Variants in FANCA observed in about 807,000 individuals in gnomAD.
FANCA encodes Fanconi anemia group A protein.
In FANCA, 236 loss-of-function variants were observed where a neutral mutation model predicts 194.3. That is an observed-to-expected ratio of 1.21 (90% CI 1.09 to 1.35). The LOEUF is 1.35. FANCA is among the 40% of genes most tolerant of loss of function. The pLI is 0.00. For synonymous variants in FANCA, 1,014 were observed against 715.8 expected, an observed-to-expected ratio of 1.42 and a Z score of -6.65; for missense variants, 2,628 against 1,813.9, an observed-to-expected ratio of 1.45 and a Z score of -8.15.
chr16:89,786,319 G>A (rs1217856942), intron 14 of FANCA, among the ~76,000 whole-genome samples: 1 of 152,156 alleles, frequency 6.6e-6, no homozygotes, highest in Non-Finnish European at 1.5e-5. Flanking sequence ...GAGTAGCTGG[G>A]ATTACAGGTG....
chr16:89,745,120 A>G, intron 35 of FANCA, 49 bp from the exon 36 acceptor site: 2 of 1,498,496 alleles, frequency 1.3e-6, no homozygotes, highest in Non-Finnish European at 9.0e-7. Context: ...AGATGGACAC[A>G]CCTCCGCTGC....
chr16:89,783,642 C>T (rs1384372617), intron 15 of FANCA, among the ~76,000 whole-genome samples: 1 of 152,076 alleles, frequency 6.6e-6, no homozygotes, highest in African/African-American at 2.4e-5. Flanking sequence ...TCCTGCAAGT[C>T]CAGGGCGGCT....
At chr16:89,798,595 C>T (rs756639720) in intron 10 of FANCA, 78 of 1,150,312 alleles carry the variant, frequency 6.8e-5, no homozygotes, top group Non-Finnish European at 7.4e-5. Flanking sequence ...TTCCACCAAA[C>T]CCCGATGTCC....
rs2041145215 is a variant in FANCA, at chr16:89,816,613, C to CATGGCCTTGGCGCCT, written c.-13_2dup (p.Phe1_?0). On this transcript the variant is annotated start_lost and start_retained_variant, in exon 1 of 43. Coordinates refer to ENST00000389301, the MANE Select transcript of FANCA (RefSeq NM_000135.4). ...CGGAGTTCGGGACCCACGAGTCGGA[C>CATGGCCTTGGCGCCT]ATGGCCTTGGCGCCTACAGCCCCGG... 1 of 1,524,950 alleles carries CATGGCCTTGGCGCCT rather than the reference C, an allele frequency of 6.6e-7. No homozygotes were observed. The highest frequency in any genetic ancestry group is 8.7e-7 in the Non-Finnish European group (1 of 1,143,976). The allele number at this position is 1,524,950 out of a possible 1,614,324, so 94.5% of individuals were successfully genotyped here. A position where few individuals can be genotyped will look rare whatever the true frequency, so the allele number is the denominator to read the frequency against.
At chr16:89,773,688 G>A (rs765533848) in intron 21 of FANCA, among the ~76,000 whole-genome samples, 45 of 152,032 alleles carry the variant, frequency 3.0e-4, no homozygotes, top group Non-Finnish European at 5.1e-4. Context: ...GCATACACAC[G>A]GAAGAAAACA....
In FANCA at chr16:89,769,867, C is replaced by G. The variant is rs751222471; in HGVS notation, c.2474G>C (p.Arg825Thr). 6.2e-7 allele frequency: 1 copy of G among 1,614,122 alleles called. No homozygotes were observed. The highest frequency in any genetic ancestry group is 8.5e-7 in the Non-Finnish European group (1 of 1,180,026). Residue 825 changes from arginine (R) to threonine (T), a missense_variant, in exon 26 of 43, where the codon AGG becomes ACG. Coordinates refer to ENST00000389301, the MANE Select transcript of FANCA (RefSeq NM_000135.4). ...GCAGAAGAACAAGGAATCCCTCGTC[C>G]TACAGGTCAGGAGGCTGTCAAAGAG... ...PALFDSLLTC[R>T]TRDSLFFCLK... is the part of the protein sequence containing the mutation.
At position 89,771,697 on chromosome 16, in the gene FANCA, A is replaced by G. The variant is rs2039331306; in HGVS notation, c.2132T>C (p.Leu711Pro). ...KIQLSINTPRLEPREHMAVDL... is the reference protein window; with the variant it reads ...KIQLSINTPRPEPREHMAVDL... ...ACCTACCATGTGTTCCCGTGGCTCCAGTCTCGGCGTGTTGATGCTGAGCTG... is the reference window on the plus strand; with the variant it reads ...ACCTACCATGTGTTCCCGTGGCTCCGGTCTCGGCGTGTTGATGCTGAGCTG... The change falls in exon 23 of 43, where the codon CTG (leucine) becomes CCG (proline). Residue 711 changes from leucine (L) to proline (P), a missense_variant. Coordinates refer to ENST00000389301, the MANE Select transcript of FANCA (RefSeq NM_000135.4). The G allele has an allele frequency of 5.6e-6, 9 of 1,614,196 alleles. No individual in the cohort carries two copies. The highest frequency in any genetic ancestry group is 7.6e-6 in the Non-Finnish European group (9 of 1,180,032).
In FANCA at chr16:89,771,664, G is replaced by A; in HGVS notation, c.2151+14C>T. Reference sequence around the variant, plus strand: ...GTGAAGACCCCCTGCTTTGTTCTGAGCCCCTACACCTACCATGTGTTCCCG... The same window carrying A: ...GTGAAGACCCCCTGCTTTGTTCTGAACCCCTACACCTACCATGTGTTCCCG... On this transcript the variant is annotated intron_variant, in intron 23 of 42. Transcript: ENST00000389301. 6.2e-7 allele frequency: 1 copy of A among 1,613,934 alleles called. No individual in the cohort carries two copies. The highest frequency in any genetic ancestry group is 8.5e-7 in the Non-Finnish European group (1 of 1,179,926).
At chr16:89,803,098 C>A (rs557839206) in intron 8 of FANCA, among the ~76,000 whole-genome samples, 161 bp downstream of exon 8, 1 of 152,318 alleles carries the variant, frequency 6.6e-6, no homozygotes, top group South Asian at 2.1e-4. Context: ...TCTAAACACC[C>A]TGACTTGATC....
intron 14 of FANCA, among the ~76,000 whole-genome samples, chr16:89,788,159 T>TA (rs1439036662): frequency 6.6e-6 from 1 of 152,032 alleles, no homozygotes; most frequent in Non-Finnish European, 1.5e-5. Context: ...CCCTCAAAAG[T>TA]AAAAATTAAA....
chr16:89,747,656 T>G (rs2011925), intron 33 of FANCA, among the ~76,000 whole-genome samples: 109,559 of 151,964 alleles, frequency 0.72, 41,416 homozygotes, highest in East Asian at 0.99. Context: ...AGCCAAGATT[T>G]CACTGCTGCA....
chr16:89,753,569 G>A (rs1300008191), intron 30 of FANCA, among the ~76,000 whole-genome samples: 3 of 152,154 alleles, frequency 2.0e-5, no homozygotes, highest in African/African-American at 7.2e-5. Context: ...GACGAAATGT[G>A]ACATCCTTTT....
intron 5 of FANCA, 29 bp from the exon 6 acceptor site, chr16:89,808,396 C>G (rs762835880): frequency 3.7e-6 from 6 of 1,610,438 alleles, no homozygotes; most frequent in South Asian, 1.1e-5. Flanking sequence ...CAAACAAAAA[C>G]AAAAACAAAA....
chr16:89,778,753 C>A (rs2039601523), intron 20 of FANCA, 48 bp downstream of exon 20: 2 of 1,560,618 alleles, frequency 1.3e-6, no homozygotes, highest in Admixed American at 1.7e-5. Context: ...TTCGCATTGT[C>A]AGAAGAAACC....
intron 37 of FANCA, among the ~76,000 whole-genome samples, chr16:89,741,361 C>A (rs1332069162): frequency 6.6e-6 from 1 of 152,236 alleles, no homozygotes; most frequent in Non-Finnish European, 1.5e-5. Context: ...TGAAGACGTA[C>A]TCAGAAGAAC....
At chr16:89,802,154 G>A (rs745969593) in intron 8 of FANCA, among the ~76,000 whole-genome samples, 4 of 152,164 alleles carry the variant, frequency 2.6e-5, no homozygotes, top group Non-Finnish European at 4.4e-5. Flanking sequence ...ACCCAGGCTA[G>A]AGTGCAAGGC....
At chr16:89,770,130 G>A (rs1469517951) in intron 25 of FANCA, 36 bp downstream of exon 25, 1 of 1,570,968 alleles carries the variant, frequency 6.4e-7, no homozygotes, top group African/African-American at 1.3e-5. Flanking sequence ...CTCAGAGTGG[G>A]CCCCCAAGGG....
At chr16:89,784,333 T>A (rs924200102) in intron 15 of FANCA, among the ~76,000 whole-genome samples, 1 of 143,432 alleles carries the variant, frequency 7.0e-6, no homozygotes, top group South Asian at 2.2e-4. Context: ...ATGGCAACAC[T>A]GCACTCTAGC....
intron 13 of FANCA, 98 bp downstream of exon 13, chr16:89,791,829 G>A (rs1284090463): frequency 2.7e-6 from 4 of 1,490,056 alleles, no homozygotes; most frequent in Non-Finnish European, 3.7e-6. Flanking sequence ...GTAGGGAAGG[G>A]CTTCACTGAG....
Sources: gnomAD v4.1 joint callset for allele counts (sites outside exome capture counted in the v4.1 genomes callset) on GRCh38, gnomAD v4.1.1 for gene constraint, MANE v1.5 for transcripts, NCBI Gene and HGNC (gene_info 2026-07-23, HGNC 2026-07-21) for gene names.